The following PLA2G4A variants were observed in gnomAD, a reference collection of about 807,000 sequenced individuals.
PLA2G4A encodes the protein cytosolic phospholipase A2.
Under a neutral mutation model 81.9 loss-of-function variants are expected in PLA2G4A, and 40 were observed. That is an observed-to-expected ratio of 0.49 (90% CI 0.38 to 0.64). The LOEUF is 0.64. PLA2G4A is among the 30% of genes least tolerant of loss of function. The pLI, the probability that PLA2G4A is intolerant of heterozygous loss-of-function variation, is 0.00. For synonymous variants in PLA2G4A, 302 were observed against 296.9 expected, an observed-to-expected ratio of 1.02 and a Z score of -0.18; for missense variants, 715 against 905.1, an observed-to-expected ratio of 0.79 and a Z score of 2.69.
intron 10 of PLA2G4A, among the ~76,000 whole-genome samples, chr1:186,940,379 T>G (rs1156370507): frequency 6.6e-6 from 1 of 152,200 alleles, no homozygotes; most frequent in Non-Finnish European, 1.5e-5. Context: ...CCTCAGTAAC[T>G]TTTGACAAAA....
At chr1:186,931,221 TATAAAGATAC>T (rs1234490337) in intron 7 of PLA2G4A, among the ~76,000 whole-genome samples, 2 of 152,112 alleles carry the variant, frequency 1.3e-5, no homozygotes, top group Non-Finnish European at 1.5e-5. Flanking sequence ...TATACATCTA[TATAAAGATAC>T]ATAAAGATAC....
chr1:186,866,278 A>C (rs1334518109), intron 2 of PLA2G4A, among the ~76,000 whole-genome samples: 1 of 152,168 alleles, frequency 6.6e-6, no homozygotes, highest in African/African-American at 2.4e-5. Context: ...GAAACTGAAC[A>C]TCTTTCTCCA....
chr1:186,973,776 AAAGT>A (rs927493344), intron 15 of PLA2G4A, among the ~76,000 whole-genome samples: 22 of 152,210 alleles, frequency 1.4e-4, no homozygotes, highest in Admixed American at 1.1e-3. Context: ...CCTTTTATTA[AAAGT>A]AAGAGAGACT....
chr1:186,872,842 G>A (rs1248536482), intron 3 of PLA2G4A, among the ~76,000 whole-genome samples: 1 of 152,066 alleles, frequency 6.6e-6, no homozygotes, highest in Non-Finnish European at 1.5e-5. Context: ...TCCCCACAGT[G>A]TACATAACAC....
intron 7 of PLA2G4A, among the ~76,000 whole-genome samples, chr1:186,916,258 T>C (rs575657821): frequency 1.8e-4 from 28 of 152,188 alleles, no homozygotes; most frequent in African/African-American, 6.5e-4. Flanking sequence ...TTTTTTCCAG[T>C]GAGGATTAAG....
At chr1:186,893,271 C>T in intron 4 of PLA2G4A, 112 bp downstream of exon 4, 1 of 901,118 alleles carries the variant, frequency 1.1e-6, no homozygotes, top group Non-Finnish European at 1.9e-6. Flanking sequence ...TGGAGTTAGA[C>T]TGGGCAGCTT....
At chr1:186,898,562 A>G (rs1275603081) in intron 5 of PLA2G4A, among the ~76,000 whole-genome samples, 2 of 152,238 alleles carry the variant, frequency 1.3e-5, no homozygotes, top group Non-Finnish European at 2.9e-5. Context: ...GAAGAAAATA[A>G]AGGTATGCAA....
At chr1:186,901,645 G>T (rs575551811) in intron 5 of PLA2G4A, among the ~76,000 whole-genome samples, 8 of 152,308 alleles carry the variant, frequency 5.3e-5, no homozygotes, top group African/African-American at 1.9e-4. Context: ...TGGTTTCATT[G>T]TATGAAAGCT....
chr1:186,847,113 A>T (rs1652204403), intron 1 of PLA2G4A, among the ~76,000 whole-genome samples: 1 of 146,386 alleles, frequency 6.8e-6, no homozygotes, highest in Non-Finnish European at 1.5e-5. Flanking sequence ...CTACATATAT[A>T]TTTATATTTG....
At position 186,828,990 on chromosome 1, in the gene PLA2G4A, A is replaced by T. The variant is rs1053020076; in HGVS notation, c.-115A>T. ...TCTCTAAGTCCGGAGCTGAAAAAGGATCCTGACTGAAAGCTAGAGGCATTG... is the reference window on the plus strand; with the variant it reads ...TCTCTAAGTCCGGAGCTGAAAAAGGTTCCTGACTGAAAGCTAGAGGCATTG... On this transcript the variant is annotated 5_prime_UTR_variant, in exon 1 of 18. Transcript: ENST00000367466. 6.6e-6 allele frequency: 1 copy of T among 152,174 alleles called. No homozygotes were observed. Among genetic ancestry groups the T allele is most frequent in the African/African-American group, 2.4e-5 (1 of 41,426 alleles). The allele number at this position is 152,174 out of a possible 1,614,324, so 9.4% of individuals were successfully genotyped here.
At chr1:186,951,494 A>G in intron 13 of PLA2G4A, among the ~76,000 whole-genome samples, 1 of 152,052 alleles carries the variant, frequency 6.6e-6, no homozygotes, top group South Asian at 2.1e-4. Context: ...AACAACAACA[A>G]AAAACAAAAC....
At chr1:186,967,581 G>C (rs1657175915) in intron 15 of PLA2G4A, among the ~76,000 whole-genome samples, 2 of 152,072 alleles carry the variant, frequency 1.3e-5, no homozygotes. Context: ...ACTTGGAGGG[G>C]AATTGAGAAA....
intron 1 of PLA2G4A, among the ~76,000 whole-genome samples, chr1:186,845,126 C>T (rs1385806899): frequency 1.3e-5 from 2 of 152,122 alleles, no homozygotes; most frequent in Non-Finnish European, 2.9e-5. Flanking sequence ...CCCAGAATTG[C>T]TTGAACCCAG....
At chr1:186,906,165 C>T (rs1654729464) in intron 5 of PLA2G4A, among the ~76,000 whole-genome samples, 1 of 152,178 alleles carries the variant, frequency 6.6e-6, no homozygotes, top group African/African-American at 2.4e-5. Flanking sequence ...AAAGCATTTT[C>T]TCATTTGGTT....
intron 2 of PLA2G4A, among the ~76,000 whole-genome samples, chr1:186,863,892 C>A (rs1482821581): frequency 6.6e-6 from 1 of 151,894 alleles, no homozygotes; most frequent in Non-Finnish European, 1.5e-5. Flanking sequence ...TCCTGAGAAG[C>A]TGGGATTACA....
At chr1:186,985,680 T>A (rs769546503) in intron 17 of PLA2G4A, among the ~76,000 whole-genome samples, 22 of 152,198 alleles carry the variant, frequency 1.4e-4, no homozygotes, top group Non-Finnish European at 2.6e-4. Context: ...TTAGCAAAGA[T>A]TTAAGAGATC....
At chr1:186,963,095 A>G (rs1657017146) in intron 14 of PLA2G4A, among the ~76,000 whole-genome samples, 1 of 152,196 alleles carries the variant, frequency 6.6e-6, no homozygotes, top group Non-Finnish European at 1.5e-5. Flanking sequence ...AGAATAGTAA[A>G]TCTTATATAT....
intron 7 of PLA2G4A, among the ~76,000 whole-genome samples, chr1:186,913,617 A>G (rs989647149): frequency 1.3e-5 from 2 of 152,048 alleles, no homozygotes; most frequent in African/African-American, 4.8e-5. Flanking sequence ...TCAAATGAAT[A>G]TAATTTATTT....
chr1:186,890,304 T>A (rs1256124626), intron 3 of PLA2G4A, among the ~76,000 whole-genome samples: 2 of 152,152 alleles, frequency 1.3e-5, no homozygotes, highest in African/African-American at 2.4e-5. Flanking sequence ...TTTATAGTCT[T>A]GTAGGAAAAG....
Sources: gnomAD v4.1 joint callset for allele counts (sites outside exome capture counted in the v4.1 genomes callset) on GRCh38, gnomAD v4.1.1 for gene constraint, MANE v1.5 for transcripts, NCBI Gene and HGNC (gene_info 2026-07-23, HGNC 2026-07-21) for gene names.